ATF6: variants seen among roughly 807,000 people sequenced by gnomAD.
ATF6 encodes cyclic AMP-dependent transcription factor ATF-6 alpha.
Under a neutral mutation model 83.6 loss-of-function variants are expected in ATF6, and 53 were observed. The observed-to-expected ratio is 0.63, with a 90% CI of 0.51 to 0.80. The LOEUF (loss-of-function observed/expected upper bound fraction) is 0.80, where lower values mean the gene tolerates loss of function less well. ATF6 is among the 30% of genes least tolerant of loss of function. ATF6 has a pLI of 0.00. For synonymous variants in ATF6, 288 were observed against 285.8 expected (o/e 1.01, Z -0.08); for missense variants, 744 against 797.9 (o/e 0.93, Z 0.81).
chr1:161,846,467 C>T lies in ATF6; in HGVS notation c.1206C>T (p.Ser402=), dbSNP rs2101819127. ...YGPMSMLEQD[S]RRMNPSVSPA... Reference sequence around the variant, plus strand: ...TTTTCAGCATGTTGGAACAGGATTCCAGGAGAATGAACCCTAGTGTGAGCC... The same window carrying T: ...TTTTCAGCATGTTGGAACAGGATTCTAGGAGAATGAACCCTAGTGTGAGCC... The change falls in exon 10 of 16, where the codon TCC becomes TCT. Residue 402 remains serine, a synonymous_variant. Coordinates refer to ENST00000367942, the MANE Select transcript of ATF6 (RefSeq NM_007348.4). The T allele has an allele frequency of 1.2e-6, 2 of 1,602,472 alleles. No homozygotes were observed. The highest frequency in any genetic ancestry group is 1.7e-6 in the Non-Finnish European group (2 of 1,175,250).
rs140528231 is a variant in ATF6, at chr1:161,852,866, CCCCAGCCTCCCAA to C, written c.1434-357_1434-345del. 6.5e-3 allele frequency among the ~76,000 whole-genome samples: 989 copies of C among 152,280 alleles called. 4 individuals carry two copies. The highest frequency in any genetic ancestry group is 0.011 in the Non-Finnish European group (742 of 68,010). On this transcript the variant is annotated intron_variant, in intron 11 of 15. Coordinates refer to ENST00000367942, the MANE Select transcript of ATF6 (RefSeq NM_007348.4). Reference sequence around the variant, plus strand: ...CTCCTGGGCTCAAGCAGTCTTCCCACCCCAGCCTCCCAAAGTGCTAGGATTACAGGTGTAAGCC... The same window carrying C: ...CTCCTGGGCTCAAGCAGTCTTCCCACAGTGCTAGGATTACAGGTGTAAGCC...
At chr1:161,951,387 T>A (rs571682608) in intron 15 of ATF6, among the ~76,000 whole-genome samples, 1 of 152,360 alleles carries the variant, frequency 6.6e-6, no homozygotes, top group South Asian at 2.1e-4. Context: ...GAGCCAAGAA[T>A]GGTTGAATTT....
rs113762427 is a variant in ATF6, at chr1:161,834,079, A to G, written c.1188-12370A>G. ...TCTCTAGGCAGAAACTCTGCAAGCC[A>G]GAAGAGAGTGGGGGCCAATATTCAA... On this transcript the variant is annotated intron_variant, in intron 9 of 15. Transcript: ENST00000367942. Among the ~76,000 whole-genome samples the G allele has an allele frequency of 9.8e-3, 1,493 of 152,344 alleles. 29 individuals carry two copies. Among genetic ancestry groups the G allele is most frequent in the African/African-American group, 0.034 (1,426 of 41,560 alleles).
At chr1:161,853,537 G>C (rs181672844) in intron 12 of ATF6, among the ~76,000 whole-genome samples, 335 of 152,282 alleles carry the variant, frequency 2.2e-3, no homozygotes, top group African/African-American at 7.7e-3. Flanking sequence ...GTAGTTCCCT[G>C]ATCAGGCATC....
intron 15 of ATF6, among the ~76,000 whole-genome samples, chr1:161,954,663 A>G (rs1389448583): frequency 1.3e-5 from 2 of 152,120 alleles, no homozygotes; most frequent in Admixed American, 6.5e-5. Flanking sequence ...AAAATTCCAC[A>G]TTGCCTAGAG....
intron 15 of ATF6, among the ~76,000 whole-genome samples, chr1:161,945,769 A>G (rs1447012451): frequency 6.6e-6 from 1 of 152,226 alleles, no homozygotes; most frequent in African/African-American, 2.4e-5. Context: ...TAAACTGCTT[A>G]AAGATAGAAG....
At chr1:161,898,686 T>G (rs930193811) in intron 14 of ATF6, among the ~76,000 whole-genome samples, 1 of 152,096 alleles carries the variant, frequency 6.6e-6, no homozygotes, top group Non-Finnish European at 1.5e-5. Flanking sequence ...TAGCTGGGAC[T>G]ATAGGCGCAC....
chr1:161,848,653 G>T (rs1253282466), intron 10 of ATF6, among the ~76,000 whole-genome samples: 2 of 152,126 alleles, frequency 1.3e-5, no homozygotes, highest in Admixed American at 1.3e-4. Flanking sequence ...TTGGATAAAT[G>T]AGAAAGGATG....
intron 15 of ATF6, among the ~76,000 whole-genome samples, chr1:161,930,001 G>C (rs1268718959): frequency 6.6e-6 from 1 of 152,158 alleles, no homozygotes; most frequent in Non-Finnish European, 1.5e-5. Flanking sequence ...CCAGATGTGT[G>C]ACCTGTAAGC....
chr1:161,952,301 T>C (rs1688881106), intron 15 of ATF6, among the ~76,000 whole-genome samples: 1 of 152,072 alleles, frequency 6.6e-6, no homozygotes, highest in Admixed American at 6.6e-5. Flanking sequence ...TCCTGGAAAC[T>C]CAGACGTGTG....
intron 6 of ATF6, among the ~76,000 whole-genome samples, chr1:161,794,731 C>G (rs1684970755): frequency 6.6e-6 from 1 of 152,116 alleles, no homozygotes; most frequent in Non-Finnish European, 1.5e-5. Context: ...TTTGGCTCAC[C>G]ATTTTCTACC....
At chr1:161,779,155 A>T (rs1488644715) in intron 2 of ATF6, among the ~76,000 whole-genome samples, 4 of 152,210 alleles carry the variant, frequency 2.6e-5, no homozygotes, top group Non-Finnish European at 5.9e-5. Context: ...TAATGGTTTC[A>T]TTTACTCCAT....
intron 11 of ATF6, 30 bp from the exon 12 acceptor site, chr1:161,853,194 A>G: frequency 3.7e-6 from 5 of 1,365,668 alleles, no homozygotes; most frequent in Non-Finnish European, 5.1e-6. Context: ...ATTAATTTCT[A>G]TGTTTAATTA....
intron 14 of ATF6, among the ~76,000 whole-genome samples, chr1:161,880,324 ATG>A (rs1166753448): frequency 6.8e-6 from 1 of 147,850 alleles, no homozygotes; most frequent in Admixed American, 7.1e-5. Context: ...TATGTGTGAT[ATG>A]TATGTGTGTG....
chr1:161,766,961 C>T (rs1461332731), intron 1 of ATF6, among the ~76,000 whole-genome samples: 2 of 152,158 alleles, frequency 1.3e-5, no homozygotes, highest in East Asian at 3.8e-4. Context: ...ACCTCGGGTC[C>T]CTGCTTAGCT....
In ATF6 at chr1:161,959,624, C is replaced by T. The variant is rs1485679039; in HGVS notation, c.*970C>T. On this transcript the variant is annotated 3_prime_UTR_variant, in exon 16 of 16. Transcript: ENST00000367942. Reference sequence around the variant, plus strand: ...GGCGGAGCTTGCAGTGAGCCGAGATCCCGCCACTGCACTCCAGCCTGGGCG... The same window carrying T: ...GGCGGAGCTTGCAGTGAGCCGAGATTCCGCCACTGCACTCCAGCCTGGGCG... The T allele has an allele frequency of 6.9e-6, 1 of 145,666 alleles. No homozygotes were observed. Among genetic ancestry groups the T allele is most frequent in the African/African-American group, 2.5e-5 (1 of 39,288 alleles). 9.0% of individuals were successfully genotyped at this position (145,666 alleles called of 1,614,324 possible). A position where few individuals can be genotyped will look rare whatever the true frequency, so the allele number is the denominator to read the frequency against.
intron 7 of ATF6, among the ~76,000 whole-genome samples, chr1:161,809,270 C>A (rs1375250635): frequency 6.6e-6 from 1 of 152,112 alleles, no homozygotes; most frequent in Non-Finnish European, 1.5e-5. Flanking sequence ...GTTCAATTCC[C>A]ACCTATGAGT....
At chr1:161,789,189 C>T (rs1185892898) in intron 4 of ATF6, among the ~76,000 whole-genome samples, 1 of 145,686 alleles carries the variant, frequency 6.9e-6, no homozygotes, top group African/African-American at 2.5e-5. Context: ...AAATGTACAA[C>T]TAAGCTCTTA....
chr1:161,781,815 A>G lies in ATF6; in HGVS notation c.160-97A>G. 2.4e-5 allele frequency: 17 copies of G among 722,640 alleles called. No homozygotes were observed. In the South Asian group the frequency reaches 2.9e-4, roughly 12 times the overall value. 44.8% of individuals were successfully genotyped at this position (722,640 alleles called of 1,614,324 possible). ...TCTTTTTACTAGGTTGGCTAATAGC[A>G]GTTAAATTATTTGTGCCAAATTGTG... On this transcript the variant is annotated intron_variant, in intron 2 of 15. Coordinates refer to ENST00000367942, the MANE Select transcript of ATF6 (RefSeq NM_007348.4).
Sources: gnomAD v4.1 joint callset for allele counts (sites outside exome capture counted in the v4.1 genomes callset) on GRCh38, gnomAD v4.1.1 for gene constraint, MANE v1.5 for transcripts, NCBI Gene and HGNC (gene_info 2026-07-23, HGNC 2026-07-21) for gene names.